Variants in FRMD4A observed in about 807,000 individuals in gnomAD.
FRMD4A encodes FERM domain-containing protein 4A.
FRMD4A carries 29 observed loss-of-function variants against 129.1 expected under a neutral mutation model. The observed-to-expected ratio is 0.22, with a 90% CI of 0.17 to 0.31. FRMD4A has a LOEUF of 0.31. FRMD4A is among the 10% of genes least tolerant of loss of function. The pLI, the probability that FRMD4A is intolerant of heterozygous loss-of-function variation, is 1.00. For synonymous variants in FRMD4A, 634 were observed against 571.6 expected (o/e 1.11, Z -1.56); for missense variants, 1,272 against 1,375.8 (o/e 0.92, Z 1.19).
chr10:13,811,243 C>A (rs1423089945), intron 3 of FRMD4A, among the ~76,000 whole-genome samples: 1 of 148,840 alleles, frequency 6.7e-6, no homozygotes, highest in African/African-American at 2.5e-5. Context: ...TCAAGCGATT[C>A]TCATGCCTCA....
At chr10:14,083,039 AG>A (rs1265854489) in intron 2 of FRMD4A, 1 of 152,228 alleles carries the variant, frequency 6.6e-6, no homozygotes, top group Non-Finnish European at 1.5e-5. Flanking sequence ...CTAAGGTGCA[AG>A]GTAAGATTTG....
intron 2 of FRMD4A, among the ~76,000 whole-genome samples, chr10:14,305,939 A>G (rs905323627): frequency 1.3e-5 from 2 of 152,198 alleles, no homozygotes; most frequent in Admixed American, 1.3e-4. Flanking sequence ...ACATGGACAC[A>G]TAGGGAGAAA....
intron 2 of FRMD4A, among the ~76,000 whole-genome samples, chr10:14,229,053 C>T (rs1054206484): frequency 3.3e-5 from 5 of 151,936 alleles, no homozygotes; most frequent in African/African-American, 1.2e-4. Flanking sequence ...TGCTCCCCTT[C>T]AGCAGTGCTA....
At chr10:14,016,734 G>T (rs931873186) in intron 2 of FRMD4A, among the ~76,000 whole-genome samples, 4 of 152,228 alleles carry the variant, frequency 2.6e-5, no homozygotes, top group Admixed American at 2.6e-4. Context: ...TTGCAGGGCA[G>T]GGAGGAAAAT....
chr10:13,916,346 T>G (rs558631853), intron 2 of FRMD4A, among the ~76,000 whole-genome samples: 1 of 152,320 alleles, frequency 6.6e-6, no homozygotes, highest in East Asian at 1.9e-4. Flanking sequence ...GGATCTCACT[T>G]TTCCTTTGCT....
chr10:14,207,995 G>C (rs1199511270), intron 2 of FRMD4A, among the ~76,000 whole-genome samples: 2 of 151,968 alleles, frequency 1.3e-5, no homozygotes, highest in Non-Finnish European at 2.9e-5. Flanking sequence ...GAACTTAGGA[G>C]TTCAAGACCA....
At chr10:14,201,359 G>C (rs1842632256) in intron 2 of FRMD4A, among the ~76,000 whole-genome samples, 2 of 152,184 alleles carry the variant, frequency 1.3e-5, no homozygotes, top group African/African-American at 2.4e-5. Context: ...ACTGGCGTCG[G>C]TTCCATCTCC....
chr10:13,707,810 C>T, intron 12 of FRMD4A: 4 of 985,358 alleles, frequency 4.1e-6, no homozygotes, highest in Non-Finnish European at 4.8e-6. Flanking sequence ...CAGAGTCTCT[C>T]CCTCAAGCTT....
intron 15 of FRMD4A, among the ~76,000 whole-genome samples, chr10:13,682,800 G>A (rs977536938): frequency 2.6e-5 from 4 of 151,888 alleles, no homozygotes; most frequent in African/African-American, 9.7e-5. Context: ...GAGCCACTGC[G>A]CCTGGCCTCC....
chr10:14,040,286 G>A (rs1833728559), intron 2 of FRMD4A, among the ~76,000 whole-genome samples: 1 of 152,168 alleles, frequency 6.6e-6, no homozygotes, highest in South Asian at 2.1e-4. Flanking sequence ...GTCACCGAGA[G>A]AAAATCCTTC....
At chr10:13,654,588 GC>G in intron 22 of FRMD4A, 76 bp from the exon 23 acceptor site, 1 of 907,038 alleles carries the variant, frequency 1.1e-6, no homozygotes, top group Non-Finnish European at 1.8e-6. Flanking sequence ...CGACTTGTTG[GC>G]TGACACCAAC....
intron 2 of FRMD4A, among the ~76,000 whole-genome samples, chr10:13,863,906 C>T (rs1420319224): frequency 1.3e-5 from 2 of 152,150 alleles, no homozygotes; most frequent in East Asian, 3.9e-4. Context: ...ACAGCAACTT[C>T]AGAACATTCT....
chr10:14,329,623 T>C (rs546339371), intron 2 of FRMD4A, among the ~76,000 whole-genome samples: 1 of 152,264 alleles, frequency 6.6e-6, no homozygotes, highest in South Asian at 2.1e-4. Context: ...AGCAGATATA[T>C]GGGCGCCTAG....
chr10:13,926,896 G>A (rs774968234), intron 2 of FRMD4A, among the ~76,000 whole-genome samples: 2 of 152,104 alleles, frequency 1.3e-5, no homozygotes, highest in Non-Finnish European at 2.9e-5. Context: ...CCACCTTTCC[G>A]AAGAAGGTAA....
chr10:13,820,589 G>T (rs1380224928), intron 3 of FRMD4A, among the ~76,000 whole-genome samples: 1 of 152,100 alleles, frequency 6.6e-6, no homozygotes, highest in Non-Finnish European at 1.5e-5. Flanking sequence ...GTAACCATCA[G>T]GTGACTCCCA....
intron 2 of FRMD4A, among the ~76,000 whole-genome samples, chr10:14,228,812 G>GA (rs1054709738): frequency 1.3e-5 from 2 of 151,818 alleles, no homozygotes; most frequent in Non-Finnish European, 2.9e-5. Context: ...CTGACATGAA[G>GA]AAAAATTACA....
chr10:14,131,396 G>GCCCA (rs1554767023), intron 2 of FRMD4A, among the ~76,000 whole-genome samples: 1 of 148,930 alleles, frequency 6.7e-6, no homozygotes, highest in African/African-American at 2.5e-5. Flanking sequence ...AACTCACTGT[G>GCCCA]CCCCCCCCGG....
intron 15 of FRMD4A, among the ~76,000 whole-genome samples, chr10:13,680,642 C>T (rs528883979): frequency 6.6e-6 from 1 of 152,184 alleles, no homozygotes; most frequent in African/African-American, 2.4e-5. Flanking sequence ...AGGAGAATCG[C>T]TTGAACCTCG....
intron 2 of FRMD4A, among the ~76,000 whole-genome samples, chr10:14,075,152 C>T (rs148075518): frequency 8.2e-4 from 125 of 152,312 alleles, no homozygotes; most frequent in South Asian, 1.7e-3. Context: ...TTTTAAGTTA[C>T]AATCACATTT....
Sources: allele counts gnomAD v4.1 joint callset (sites outside exome capture counted in the v4.1 genomes callset), GRCh38; gene constraint gnomAD v4.1.1; transcripts MANE v1.5; gene names NCBI Gene and HGNC (gene_info 2026-07-23, HGNC 2026-07-21).